SAMD8: variants seen among roughly 807,000 people sequenced by gnomAD.
SAMD8 encodes sterile alpha motif domain containing 8.
A neutral mutation model predicts 42.0 loss-of-function variants in SAMD8; 20 were observed. The observed-to-expected ratio is 0.48, with a 90% CI of 0.34 to 0.69. The LOEUF (loss-of-function observed/expected upper bound fraction) is 0.69, where lower values mean the gene tolerates loss of function less well. SAMD8 is among the 30% of genes least tolerant of loss of function. The probability of loss-of-function intolerance (pLI) is 0.01; values close to 1 mark genes in which losing one functional copy is unlikely to be tolerated. For missense variants in SAMD8, 328 were observed against 511.6 expected (o/e 0.64, Z 3.46); for synonymous variants, 162 against 173.0 (o/e 0.94, Z 0.50).
chr10:75,114,453 CA>C (rs1238770128), intron 1 of SAMD8, among the ~76,000 whole-genome samples: 2 of 152,142 alleles, frequency 1.3e-5, no homozygotes, highest in Non-Finnish European at 2.9e-5. Context: ...CCCCCTTCTG[CA>C]AAAGCTTATT....
chr10:75,115,729 A>T (rs1271102374), intron 1 of SAMD8, among the ~76,000 whole-genome samples: 1 of 152,124 alleles, frequency 6.6e-6, no homozygotes, highest in Non-Finnish European at 1.5e-5. Flanking sequence ...TCACGAGGCC[A>T]GGAGATCGAG....
rs899244448 is a variant in SAMD8 at position 75,176,689 on chromosome 10, A to G, written c.1245A>G (p.Gly415=). The change falls in exon 6 of 6, where the codon GGA becomes GGG. Residue 415 remains glycine, a synonymous_variant. Coordinates refer to ENST00000542569, the MANE Select transcript of SAMD8 (RefSeq NM_001174156.2). The surrounding 1 kb of genome is among the most constrained non-coding windows in gnomAD (Gnocchi z 4.3). ...CAGCAATAATGAAAAGACTAATTGG[A>G]TGAATACTATCTTTCTAATGAATTT... ...SKPAIMKRLI[G] is the part of the protein sequence containing the mutation. 38 of 1,513,878 alleles carry G rather than the reference A, an allele frequency of 2.5e-5. No individual in the cohort carries two copies. Among genetic ancestry groups the G allele is most frequent in the Non-Finnish European group, 3.2e-5 (36 of 1,128,192 alleles). The allele number at this position is 1,513,878 out of a possible 1,614,324, so 93.8% of individuals were successfully genotyped here. A position where few individuals can be genotyped will look rare whatever the true frequency, so the allele number is the denominator to read the frequency against.
At chr10:75,144,450 G>A (rs1840090400) in intron 1 of SAMD8, among the ~76,000 whole-genome samples, 1 of 151,910 alleles carries the variant, frequency 6.6e-6, no homozygotes, top group African/African-American at 2.4e-5. Flanking sequence ...TTCTGTTTCT[G>A]TGAATTTCAC....
upstream of SAMD8, among the ~76,000 whole-genome samples, chr10:75,106,886 G>C (rs1377666298): frequency 6.6e-6 from 1 of 152,210 alleles, no homozygotes; most frequent in African/African-American, 2.4e-5. Context: ...ACATAGATGA[G>C]GAAACTGAAG....
intron 2 of SAMD8, among the ~76,000 whole-genome samples, chr10:75,160,225 C>T (rs1413570747): frequency 3.3e-5 from 5 of 151,938 alleles, no homozygotes; most frequent in African/African-American, 1.2e-4. Context: ...GAGACAGAGT[C>T]TTGCTCTGTC....
chr10:75,132,519 A>G (rs963286891), intron 1 of SAMD8, among the ~76,000 whole-genome samples: 1 of 152,206 alleles, frequency 6.6e-6, no homozygotes, highest in Non-Finnish European at 1.5e-5. Context: ...AATTTACCAA[A>G]TTAGTGACCC....
At chr10:75,144,656 T>C (rs1589955456) in intron 1 of SAMD8, among the ~76,000 whole-genome samples, 1 of 152,136 alleles carries the variant, frequency 6.6e-6, no homozygotes, top group African/African-American at 2.4e-5. Context: ...AAAAGTTTCT[T>C]TTCTTTTCAT....
At chr10:75,124,164 G>A (rs1849072286) in intron 1 of SAMD8, among the ~76,000 whole-genome samples, 1 of 152,088 alleles carries the variant, frequency 6.6e-6, no homozygotes, top group Non-Finnish European at 1.5e-5. Context: ...CTACTGTGTT[G>A]TTCCTTGGGT....
intron 1 of SAMD8, among the ~76,000 whole-genome samples, chr10:75,132,140 A>C (rs1420899336): frequency 6.6e-6 from 1 of 152,182 alleles, no homozygotes; most frequent in Non-Finnish European, 1.5e-5. Flanking sequence ...AAACTGGGAG[A>C]TGCAAACAAC....
intron 1 of SAMD8, among the ~76,000 whole-genome samples, chr10:75,118,877 ATTG>A (rs2134422144): frequency 6.6e-6 from 1 of 152,238 alleles, no homozygotes; most frequent in South Asian, 2.1e-4. Flanking sequence ...TTTCATAAGA[ATTG>A]TTTTTATGTT....
chr10:75,164,462 G>A (rs1226192830), intron 2 of SAMD8, 183 bp from the exon 3 acceptor site: 12 of 972,376 alleles, frequency 1.2e-5, no homozygotes, highest in African/African-American at 8.8e-5. Flanking sequence ...AACAGGTTCC[G>A]ATAGGTGGGG....
chr10:75,117,522 C>G (rs1848914075), intron 1 of SAMD8, among the ~76,000 whole-genome samples: 1 of 151,884 alleles, frequency 6.6e-6, no homozygotes. Context: ...CAAGACCACC[C>G]TGGCCAACAT....
chr10:75,175,930 A>G, intron 4 of SAMD8, 136 bp from the exon 5 acceptor site: 1 of 1,478,000 alleles, frequency 6.8e-7, no homozygotes, highest in Non-Finnish European at 8.9e-7. Context: ...GGAATTCATT[A>G]GACTGAAGGC....
At chr10:75,139,436 G>A (rs1255251756) in intron 1 of SAMD8, among the ~76,000 whole-genome samples, 2 of 152,068 alleles carry the variant, frequency 1.3e-5, no homozygotes, top group Admixed American at 6.6e-5. Flanking sequence ...ATAAAATAGT[G>A]AACAATTGTT....
rs549325847 is a variant in SAMD8, at chr10:75,105,959, C to T, written c.-16+6231C>T. ...GACCCAAGTTCCTTTCCTGACCCTG[C>T]CTTGGGTGCACTCTGTGATCCTGAG... is the stretch of plus-strand genomic sequence containing the variant. On this transcript the variant is annotated intron_variant, in intron 1 of 3. Transcript: ENST00000447533. 252 of 1,205,912 alleles carry T rather than the reference C, an allele frequency of 2.1e-4. 1 individual carries two copies. The East Asian group carries it at 6.1e-3, about 29-fold the overall frequency. 74.7% of individuals were successfully genotyped at this position (1,205,912 alleles called of 1,614,324 possible).
intron 2 of SAMD8, among the ~76,000 whole-genome samples, chr10:75,163,558 C>T (rs970548117): frequency 1.3e-5 from 2 of 152,146 alleles, no homozygotes; most frequent in Non-Finnish European, 2.9e-5. Flanking sequence ...CTCAGCCTTC[C>T]AAGTAGCTGG....
chr10:75,108,864 C>G (rs1012352476), upstream of SAMD8: 8 of 1,103,408 alleles, frequency 7.3e-6, no homozygotes, highest in Non-Finnish European at 7.4e-6. Flanking sequence ...TCAGCACCCC[C>G]GGGGGTCCTG....
At chr10:75,156,844 A>C (rs902471268) in intron 2 of SAMD8, among the ~76,000 whole-genome samples, 11 of 152,170 alleles carry the variant, frequency 7.2e-5, no homozygotes, top group African/African-American at 2.7e-4. Flanking sequence ...AAGAAAACAA[A>C]AATAATGCTA....
chr10:75,107,346 G>GAAA (rs750968267), upstream of SAMD8, among the ~76,000 whole-genome samples: 1 of 116,250 alleles, frequency 8.6e-6, no homozygotes, highest in East Asian at 2.4e-4. Flanking sequence ...CTCTGTCTCA[G>GAAA]AAAAAAAAAA....
Sources: allele counts gnomAD v4.1 joint callset (sites outside exome capture counted in the v4.1 genomes callset), GRCh38; gene constraint gnomAD v4.1.1; non-coding constraint Gnocchi (gnomAD v3.1); transcripts MANE v1.5; gene names NCBI Gene and HGNC (gene_info 2026-07-23, HGNC 2026-07-21).